The following CYP11B2 variants were observed in gnomAD, a reference collection of about 807,000 sequenced individuals.
CYP11B2 encodes cytochrome P450 family 11 subfamily B member 2.
In CYP11B2, 38 loss-of-function variants were observed where a neutral mutation model predicts 49.3. The observed-to-expected ratio is 0.77, with a 90% CI of 0.59 to 1.01. The LOEUF is 1.01. CYP11B2 is among the 50% of genes least tolerant of loss of function. The pLI is 0.00. For missense variants in CYP11B2, 669 were observed against 655.5 expected (o/e 1.02, Z -0.23); for synonymous variants, 290 against 269.3 (o/e 1.08, Z -0.75).
In CYP11B2 at chr8:142,913,343, G is replaced by A. The variant is rs1431240641; in HGVS notation, c.1063C>T (p.Pro355Ser). The change falls in exon 6 of 9, where the codon CCC becomes TCC. Residue 355 changes from proline (P) to serine (S), a missense_variant. By Grantham distance (74) the Pro-to-Ser change is moderately conservative (BLOSUM62 -1). Coordinates refer to ENST00000323110, the MANE Select transcript of CYP11B2 (RefSeq NM_000498.3). ...LAAAASISEH[P>S]QKATTELPLL... The stretch of plus-strand genomic sequence containing the variant: ...GGCAGCTCGGTGGTTGCCTTCTGGG[G>A]ATGTTCACTGATGCTGGCTGCGGCG... 1.4e-5 allele frequency: 23 copies of A among 1,613,802 alleles called. No individual in the cohort carries two copies. Among genetic ancestry groups the A allele is most frequent in the Non-Finnish European group, 1.9e-5 (23 of 1,179,948 alleles).
chr8:142,913,446 C>T lies in CYP11B2; in HGVS notation c.960G>A (p.Ala320=), dbSNP rs1363331569. The T allele has an allele frequency of 5.6e-6, 9 of 1,613,934 alleles. No homozygotes were observed. Among genetic ancestry groups the T allele is most frequent in the South Asian group, 1.1e-5 (1 of 91,086 alleles). ...CAAAGAGCGTCATCAGCAAGGGAAA[C>T]GCTGTCTACAGAAGCCATGTCTGCA... is the stretch of plus-strand genomic sequence containing the variant. ...ELTAGSVDTT[A]FPLLMTLFEL... is the part of the protein sequence containing the mutation. Residue 320 remains alanine, a synonymous_variant, in exon 6 of 9, where the codon GCG becomes GCA. Coordinates refer to ENST00000323110, the MANE Select transcript of CYP11B2 (RefSeq NM_000498.3).
intron 1 of CYP11B2, 30 bp downstream of exon 1, chr8:142,917,572 G>A (rs1455955359): frequency 1.2e-6 from 2 of 1,613,890 alleles, no homozygotes; most frequent in South Asian, 1.1e-5. Flanking sequence ...GGATCTGGGT[G>A]TTCCCAGCGA....
chr8:142,912,567 C>T lies in CYP11B2; in HGVS notation c.1361G>A (p.Arg454His), dbSNP rs1445122863. ...GFGMRQCLGR[R>H]LAEAEMLLLL... ...CAGCAGCATCTCTGCCTCTGCCAGG[C>T]GCCGCCCGAGGCACTGGCGCATGCC... Residue 454 changes from arginine (R) to histidine (H), a missense_variant, in exon 8 of 9, where the codon CGC (arginine) becomes CAC (histidine). Physicochemically the swap from Arg to His is conservative, Grantham distance 29. Coordinates refer to ENST00000323110, the MANE Select transcript of CYP11B2 (RefSeq NM_000498.3). 3.7e-6 allele frequency: 6 copies of T among 1,613,902 alleles called. No homozygotes were observed. The highest frequency in any genetic ancestry group is 4.2e-6 in the Non-Finnish European group (5 of 1,180,006).
chr8:142,914,466 A>T (rs1448939415), intron 4 of CYP11B2, 48 bp from the exon 5 acceptor site: 1 of 1,550,112 alleles, frequency 6.5e-7, no homozygotes, highest in Non-Finnish European at 8.8e-7. Flanking sequence ...GCTGGGAAGC[A>T]TCCTTCAGTG....
chr8:142,917,526 C>G, intron 1 of CYP11B2, 76 bp downstream of exon 1: 1 of 1,613,508 alleles, frequency 6.2e-7, no homozygotes, highest in Non-Finnish European at 8.5e-7. Flanking sequence ...AATGGCAGTG[C>G]TGAGTGCCTG....
In CYP11B2 at chr8:142,911,682, G is replaced by T. The variant is rs1380755213; in HGVS notation, c.*298C>A. The T allele has an allele frequency of 1.1e-5, 4 of 380,942 alleles. No individual in the cohort carries two copies. The highest frequency in any genetic ancestry group is 4.5e-5 in the Admixed American group (1 of 22,448). The allele number at this position is 380,942 out of a possible 1,614,324, so 23.6% of individuals were successfully genotyped here. A position where few individuals can be genotyped will look rare whatever the true frequency, so the allele number is the denominator to read the frequency against. On this transcript the variant is annotated 3_prime_UTR_variant, in exon 9 of 9. Transcript: ENST00000323110. ...GCCTCATGAGGAGCCTGGAGCCAGC[G>T]CTGGGAGTAGAGTCAAGCTGTCCAG...
rs4543 is a variant in CYP11B2, at chr8:142,914,327, C to T, written c.891G>A (p.Ala297=). 0.089 allele frequency: 142,865 copies of T among 1,613,624 alleles called. 7,492 individuals are homozygous for T. The highest frequency in any genetic ancestry group is 0.22 in the African/African-American group (16,389 of 74,950). Residue 297 remains alanine, a synonymous_variant, in exon 5 of 9, where the codon GCG becomes GCA. Transcript: ENST00000323110. ...TGIVAELLLK[A]ELSLEAIKAN... Reference sequence around the variant, plus strand: ...CCTTGATGGCTTCTAGTGACAGTTCCGCCTTCAACAGGAGCTCCGCCACGA... The same window carrying T: ...CCTTGATGGCTTCTAGTGACAGTTCTGCCTTCAACAGGAGCTCCGCCACGA...
At position 142,914,588 on chromosome 8, in the gene CYP11B2, G is replaced by A. The variant is rs192703629; in HGVS notation, c.799+117C>T. The A allele has an allele frequency of 3.6e-6, 5 of 1,402,552 alleles. No individual in the cohort carries two copies. In the East Asian group the frequency reaches 1.2e-4, roughly 34 times the overall value. 86.9% of individuals were successfully genotyped at this position (1,402,552 alleles called of 1,614,324 possible). On this transcript the variant is annotated intron_variant, in intron 4 of 8. Transcript: ENST00000323110. The stretch of plus-strand genomic sequence containing the variant: ...TCGCACCAATCTCCCCGGCAGGAAG[G>A]TGAGGAATCCCCGACCCCTCCCTGT...
chr8:142,913,834 C>A (rs1368464663), intron 5 of CYP11B2: 4 of 457,560 alleles, frequency 8.7e-6, no homozygotes, highest in Non-Finnish European at 8.5e-6. Context: ...GCCTGTGCTG[C>A]TGTCTTCCCC....
chr8:142,912,866 AC>A lies in CYP11B2; in HGVS notation c.1140del (p.Leu382TrpfsTer5). 6.2e-7 allele frequency: 1 copy of A among 1,613,492 alleles called. No homozygotes were observed. The highest frequency in any genetic ancestry group is 8.5e-7 in the Non-Finnish European group (1 of 1,179,796). On this transcript the variant is annotated frameshift_variant, in exon 7 of 9. Transcript: ENST00000323110. LOFTEE classifies it high-confidence loss of function. ...TCTGAGCTCACCACTCGCTCCAAAAACAGACCCACAGGGTAGAGCCTGGAGG... is the reference window on the plus strand; with the variant it reads ...TCTGAGCTCACCACTCGCTCCAAAAAAGACCCACAGGGTAGAGCCTGGAGG... The part of the protein sequence containing the change: ...KETLRLYPVG[L>X]FLERVVSSDL...
chr8:142,912,833 G>T lies in CYP11B2; in HGVS notation c.1174C>A (p.Leu392Ile). The change falls in exon 7 of 9, where the codon CTT (leucine) becomes ATT (isoleucine). Residue 392 changes from leucine (L) to isoleucine (I), a missense_variant. Physicochemically the swap from Leu to Ile is conservative, Grantham distance 5. Coordinates refer to ENST00000323110, the MANE Select transcript of CYP11B2 (RefSeq NM_000498.3). The part of the protein sequence containing the change: ...LERVVSSDLV[L>I]QNYHIPAGTL... ...CCAGCTGGGATGTGGTAGTTCTGAA[G>T]CACCAAGTCTGAGCTCACCACTCGC... 6.2e-7 allele frequency: 1 copy of T among 1,613,922 alleles called. No individual in the cohort carries two copies. The highest frequency in any genetic ancestry group is 2.2e-5 in the East Asian group (1 of 44,876).
At position 142,912,195 on chromosome 8, in the gene CYP11B2, A is replaced by C. The variant is rs528195925; in HGVS notation, c.1399-102T>G. Reference sequence around the variant, plus strand: ...GGTGCAACAATTATGCTGAAGGGGGAGCAGCAGCCTGGGCCCCAACCTATC... The same window carrying C: ...GGTGCAACAATTATGCTGAAGGGGGCGCAGCAGCCTGGGCCCCAACCTATC... On this transcript the variant is annotated intron_variant, in intron 8 of 8. Transcript: ENST00000323110. The C allele has an allele frequency of 3.1e-4, 479 of 1,563,942 alleles. 2 individuals are homozygous for C. In the African/African-American group the frequency reaches 5.8e-3, roughly 19 times the overall value.
Position 142,917,230 on chromosome 8 carries a change from G to C in CYP11B2, c.240-16C>G, listed in dbSNP as rs571318985. 49 of 1,613,496 alleles carry C rather than the reference G, an allele frequency of 3.0e-5. No homozygotes were observed. In the South Asian group the frequency reaches 3.7e-4, roughly 12 times the overall value. ...CAAGTTGTACCTGTGGGGCCAAGCA[G>C]GAGGCCCTGCTGGACGGGGTCATGT... On this transcript the variant is annotated splice_polypyrimidine_tract_variant and intron_variant, in intron 1 of 8. Coordinates refer to ENST00000323110, the MANE Select transcript of CYP11B2 (RefSeq NM_000498.3).
At chr8:142,913,797 C>A (rs571213927) in intron 5 of CYP11B2, among the ~76,000 whole-genome samples, 25 of 152,290 alleles carry the variant, frequency 1.6e-4, no homozygotes, top group African/African-American at 5.8e-4. Context: ...CCACTGTGCA[C>A]CCACAGGCCC....
Position 142,913,380 on chromosome 8 carries a change from C to G in CYP11B2, c.1026G>C (p.Gln342His), listed in dbSNP as rs749741543. The change falls in exon 6 of 9, where the codon CAG becomes CAC. Residue 342 changes from glutamine to histidine, a missense_variant. Coordinates refer to ENST00000323110, the MANE Select transcript of CYP11B2 (RefSeq NM_000498.3). ...TGCTGGCTGCGGCGGCCAGGCTCTC[C>G]TGGCGCAGGATCTGCTGCACGTCGG... is the stretch of plus-strand genomic sequence containing the variant. Reference protein sequence around the residue: ...RNPDVQQILRQESLAAAASIS... With the variant: ...RNPDVQQILRHESLAAAASIS... The G allele has an allele frequency of 6.2e-7, 1 of 1,613,832 alleles. No individual in the cohort carries two copies. The highest frequency in any genetic ancestry group is 1.3e-5 in the African/African-American group (1 of 74,930).
At chr8:142,915,360 C>T in intron 2 of CYP11B2, 115 bp from the exon 3 acceptor site, 1 of 988,432 alleles carries the variant, frequency 1.0e-6, no homozygotes, top group Non-Finnish European at 1.5e-6. Context: ...TGACTGGGGG[C>T]CCTGGTAGAA....
At chr8:142,917,279 C>T in intron 1 of CYP11B2, 65 bp from the exon 2 acceptor site, 13 of 1,568,108 alleles carry the variant, frequency 8.3e-6, no homozygotes, top group Non-Finnish European at 1.1e-5. Flanking sequence ...ACCCTGCAGT[C>T]CCAATCCAAA....
chr8:142,912,041 AC>A lies in CYP11B2; in HGVS notation c.1450del (p.Val484SerfsTer6), dbSNP rs1377411256. The A allele has an allele frequency of 1.2e-6, 2 of 1,613,902 alleles. No individual in the cohort carries two copies. Among genetic ancestry groups the A allele is most frequent in the Non-Finnish European group, 1.7e-6 (2 of 1,179,980 alleles). ...GCCAGGCCTCAATATGAAGCTGTAGACCATCTTTATGTCCTCTTGAGTTAGT... is the reference window on the plus strand; with the variant it reads ...GCCAGGCCTCAATATGAAGCTGTAGACATCTTTATGTCCTCTTGAGTTAGT... ...ETLTQEDIKM[V>X]YSFILRPGTS... is the part of the protein sequence containing the mutation. On this transcript the variant is annotated frameshift_variant, in exon 9 of 9. Coordinates refer to ENST00000323110, the MANE Select transcript of CYP11B2 (RefSeq NM_000498.3). LOFTEE classifies it low-confidence loss of function (END_TRUNC).
chr8:142,913,342 G>A lies in CYP11B2; in HGVS notation c.1064C>T (p.Pro355Leu), dbSNP rs1817575728. 1.2e-6 allele frequency: 2 copies of A among 1,613,796 alleles called. No individual in the cohort carries two copies. Among genetic ancestry groups the A allele is most frequent in the Non-Finnish European group, 1.7e-6 (2 of 1,179,958 alleles). ...LAAAASISEH[P>L]QKATTELPLL... ...GGGCAGCTCGGTGGTTGCCTTCTGG[G>A]GATGTTCACTGATGCTGGCTGCGGC... Residue 355 changes from proline (P) to leucine (L), a missense_variant, in exon 6 of 9, where the codon CCC becomes CTC. Pro to Leu is a moderately conservative substitution (Grantham distance 98). Transcript: ENST00000323110.
Sources: allele counts gnomAD v4.1 joint callset (sites outside exome capture counted in the v4.1 genomes callset), GRCh38; gene constraint gnomAD v4.1.1; transcripts MANE v1.5; gene names NCBI Gene and HGNC (gene_info 2026-07-23, HGNC 2026-07-21).